Variants in WFS1 observed in about 807,000 individuals in gnomAD.
WFS1 encodes the protein wolframin ER transmembrane glycoprotein.
A neutral mutation model predicts 68.5 loss-of-function variants in WFS1; 90 were observed. That is an observed-to-expected ratio of 1.31 (90% CI 1.11 to 1.56). The LOEUF (loss-of-function observed/expected upper bound fraction) is 1.56. Among genes scored for constraint, WFS1 ranks in the 40% most tolerant of loss-of-function variants. The pLI, the probability that WFS1 is intolerant of heterozygous loss-of-function variation, is 0.00. For synonymous variants in WFS1, 860 were observed against 540.7 expected (o/e 1.59, Z -8.19); for missense variants, 1,767 against 1,232.6 (o/e 1.43, Z -6.49).
chr4:6,299,791 G>T (rs1730796724), intron 7 of WFS1, among the ~76,000 whole-genome samples: 1 of 141,106 alleles, frequency 7.1e-6, no homozygotes, highest in South Asian at 2.4e-4. Context: ...TGTGTGTAGG[G>T]GTGGGTTGTT....
At chr4:6,293,229 T>C (rs897594211) in intron 6 of WFS1, among the ~76,000 whole-genome samples, 2 of 152,092 alleles carry the variant, frequency 1.3e-5, no homozygotes, top group Non-Finnish European at 2.9e-5. Context: ...CCACAGGGGT[T>C]TGTGATGAGC....
In WFS1 at chr4:6,300,747, A is replaced by G. The variant is rs1395612565; in HGVS notation, c.952A>G (p.Ile318Val). ...SRAGMHWLST[I>V]IPTHHINALI... is the part of the protein sequence containing the mutation. ...GGCAGGCATGCACTGGCTGTCCACC[A>G]TCATCCCCACGCACCACATCAACGC... Residue 318 changes from isoleucine (I) to valine (V), a missense_variant, in exon 8 of 8, where the codon ATC becomes GTC. By Grantham distance (29) the Ile-to-Val change is conservative (BLOSUM62 3). Transcript: ENST00000226760. 5.0e-6 allele frequency: 8 copies of G among 1,613,998 alleles called. No homozygotes were observed. Among genetic ancestry groups the G allele is most frequent in the African/African-American group, 1.3e-5 (1 of 74,974 alleles).
At position 6,299,425 on chromosome 4, in the gene WFS1, T is replaced by C. The variant is rs540568674; in HGVS notation, c.862-1232T>C. Among the ~76,000 whole-genome samples, 31 of 150,886 alleles carry C rather than the reference T, an allele frequency of 2.1e-4. No homozygotes were observed. The East Asian group carries it at 6.1e-3, about 30-fold the overall frequency. On this transcript the variant is annotated intron_variant, in intron 7 of 7. Transcript: ENST00000226760. ...AGGTAGGGGTGCGCTGGTGTGTATG[T>C]GTAGGTGCACACGTGTAGGGGTGGG...
intron 1 of WFS1, among the ~76,000 whole-genome samples, chr4:6,270,498 G>C (rs1443493270): frequency 6.6e-6 from 1 of 152,042 alleles, no homozygotes; most frequent in African/African-American, 2.4e-5. Flanking sequence ...CCCCCAGGGG[G>C]ACCCGGCCCG....
chr4:6,277,563 G>T lies in WFS1; in HGVS notation c.108G>T (p.Glu36Asp). ...ATGCCACAGCCTCGTTGGAGCAGGA[G>T]AGGAGCGAAAGGCCCCGAGCACCCG... ...RLNATASLEQERSERPRAPGP... is the reference protein window; with the variant it reads ...RLNATASLEQDRSERPRAPGP... Residue 36 changes from glutamate (E) to aspartate (D), a missense_variant, in exon 2 of 8, where the codon GAG (glutamate) becomes GAT (aspartate). Coordinates refer to ENST00000226760, the MANE Select transcript of WFS1 (RefSeq NM_006005.3). The T allele has an allele frequency of 1.3e-6, 2 of 1,589,944 alleles. No homozygotes were observed. The highest frequency in any genetic ancestry group is 1.7e-6 in the Non-Finnish European group (2 of 1,168,794).
At chr4:6,272,975 T>C (rs1473271358) in intron 1 of WFS1, among the ~76,000 whole-genome samples, 1 of 152,232 alleles carries the variant, frequency 6.6e-6, no homozygotes, top group East Asian at 1.9e-4. Flanking sequence ...AAGTGCCATA[T>C]GATGGACATT....
chr4:6,294,757 G>A, intron 6 of WFS1: 1 of 454,842 alleles, frequency 2.2e-6, no homozygotes, highest in Non-Finnish European at 4.1e-6. Flanking sequence ...GTGGCCCCAG[G>A]CATAAGGAGC....
At chr4:6,276,645 C>A (rs1270380949) in intron 1 of WFS1, among the ~76,000 whole-genome samples, 1 of 152,182 alleles carries the variant, frequency 6.6e-6, no homozygotes, top group African/African-American at 2.4e-5. Context: ...AGCTCCCTTC[C>A]CCTCTCATAT....
Position 6,302,459 on chromosome 4 carries a change from G to C in WFS1, c.2664G>C (p.Ser888=), listed in dbSNP as rs756116434. The part of the protein sequence containing the change: ...AFDFFFFPFL[S]AA Reference sequence around the variant, plus strand: ...ACTTCTTTTTCTTCCCATTCCTGTCGGCGGCCTGAGGATGGTCCGCCACGA... The same window carrying C: ...ACTTCTTTTTCTTCCCATTCCTGTCCGCGGCCTGAGGATGGTCCGCCACGA... The change falls in exon 8 of 8, where the codon TCG becomes TCC. Residue 888 remains serine, a synonymous_variant. Transcript: ENST00000226760. 4 of 1,612,698 alleles carry C rather than the reference G, an allele frequency of 2.5e-6. No individual in the cohort carries two copies. Among genetic ancestry groups the C allele is most frequent in the East Asian group, 2.2e-5 (1 of 44,872 alleles).
intron 2 of WFS1, among the ~76,000 whole-genome samples, chr4:6,281,723 G>A (rs1730173922): frequency 6.6e-6 from 1 of 152,044 alleles, no homozygotes; most frequent in African/African-American, 2.4e-5. Context: ...TGCTGCCCTG[G>A]GGACAGGCAC....
Position 6,300,502 on chromosome 4 carries a change from G to C in WFS1, c.862-155G>C, listed in dbSNP as rs548798918. ...GCATGGGGAGGGCCACCTGGAGAAG[G>C]GGGGAGGGAGGACCACTAGGATGGG... On this transcript the variant is annotated intron_variant, in intron 7 of 7. Transcript: ENST00000226760. Among the ~76,000 whole-genome samples, 14 of 152,198 alleles carry C rather than the reference G, an allele frequency of 9.2e-5. No homozygotes were observed. The South Asian group carries it at 1.0e-3, about 11-fold the overall frequency.
chr4:6,278,055 C>T (rs369316561), intron 2 of WFS1, among the ~76,000 whole-genome samples: 6 of 152,246 alleles, frequency 3.9e-5, no homozygotes, highest in South Asian at 2.1e-4. Flanking sequence ...GCCACACTCT[C>T]GGGAGTGAGG....
At chr4:6,284,844 G>A (rs1379686227) in intron 2 of WFS1, among the ~76,000 whole-genome samples, 1 of 150,526 alleles carries the variant, frequency 6.6e-6, no homozygotes, top group Non-Finnish European at 1.5e-5. Flanking sequence ...ACGTGCGTCT[G>A]TGTCATTGTG....
At position 6,283,912 on chromosome 4, in the gene WFS1, C is replaced by G. The variant is rs549812026; in HGVS notation, c.233-3181C>G. 2.1e-4 allele frequency among the ~76,000 whole-genome samples: 32 copies of G among 151,894 alleles called. No individual in the cohort carries two copies. The highest frequency in any genetic ancestry group is 7.2e-4 in the African/African-American group (30 of 41,422). ...TCTTGGTGGTCCACACTGATGCAGC[C>G]GGCTTCTGGGGGTGATCTTTCTGGC... On this transcript the variant is annotated intron_variant, in intron 2 of 7. Transcript: ENST00000226760. This position sits in a 1 kb window ranked among gnomAD's most constrained non-coding sequence, Gnocchi z 5.0.
At chr4:6,291,051 G>A in intron 4 of WFS1, 146 bp from the exon 5 acceptor site, 1 of 790,494 alleles carries the variant, frequency 1.3e-6, no homozygotes, top group Non-Finnish European at 2.0e-6. Context: ...TGAGTCAGAT[G>A]TCCATGCATC....
intron 2 of WFS1, among the ~76,000 whole-genome samples, chr4:6,281,883 G>A (rs909794695): frequency 5.9e-5 from 9 of 152,208 alleles, no homozygotes; most frequent in Admixed American, 1.3e-4. Context: ...AGGATCTGGT[G>A]GCACTCAGTC....
At position 6,301,692 on chromosome 4, in the gene WFS1, G is replaced by C. The variant is rs1468892075; in HGVS notation, c.1897G>C (p.Val633Leu). Residue 633 changes from valine (V) to leucine (L), a missense_variant, in exon 8 of 8, where the codon GTC (valine) becomes CTC (leucine). Physicochemically the swap from Val to Leu is conservative, Grantham distance 32. Coordinates refer to ENST00000226760, the MANE Select transcript of WFS1 (RefSeq NM_006005.3). ...GAAGTCCCTGACGCGGAGCTCCATG[G>C]TCAAGCTCATCCTGGTGTGGCTCAC... ...MVKSLTRSSM[V>L]KLILVWLTAI... The C allele has an allele frequency of 8.1e-6, 13 of 1,613,980 alleles. No homozygotes were observed. The highest frequency in any genetic ancestry group is 1.1e-5 in the Non-Finnish European group (13 of 1,180,060).
At chr4:6,274,086 A>G (rs1040463411) in intron 1 of WFS1, among the ~76,000 whole-genome samples, 6 of 146,098 alleles carry the variant, frequency 4.1e-5, no homozygotes, top group Non-Finnish European at 7.4e-5. Context: ...TCGCTTTGTC[A>G]CCCAGGCTGG....
chr4:6,300,639 G>A lies in WFS1; in HGVS notation c.862-18G>A, dbSNP rs763167503. ...GGTCCTGTCCCAGCCTCGTTCCCAC[G>A]TACCATCTTTCCCCCAGGTGGTCAA... On this transcript the variant is annotated intron_variant, in intron 7 of 7. Transcript: ENST00000226760. 3.0e-5 allele frequency: 49 copies of A among 1,613,578 alleles called. No individual in the cohort carries two copies. The highest frequency in any genetic ancestry group is 8.8e-5 in the South Asian group (8 of 91,058).
Sources: gnomAD v4.1 joint callset for allele counts (sites outside exome capture counted in the v4.1 genomes callset) on GRCh38, gnomAD v4.1.1 for gene constraint, Gnocchi (gnomAD v3.1) non-coding constraint, MANE v1.5 for transcripts, NCBI Gene and HGNC (gene_info 2026-07-23, HGNC 2026-07-21) for gene names.